ATF2: variants seen among roughly 807,000 people sequenced by gnomAD.
ATF2 encodes the protein cyclic AMP-dependent transcription factor ATF-2.
Under a neutral mutation model 60.6 loss-of-function variants are expected in ATF2, and 24 were observed. That is an observed-to-expected ratio of 0.40 (90% CI 0.29 to 0.56). ATF2 has a LOEUF of 0.56. Ranked by LOEUF, ATF2 falls within the 20% of genes least tolerant of loss-of-function variation. ATF2 has a pLI of 0.54. For missense variants in ATF2, 433 were observed against 607.7 expected (o/e 0.71, Z 3.02); for synonymous variants, 206 against 215.4 (o/e 0.96, Z 0.38).
At chr2:175,080,204 TTATC>T (rs1353472828) in intron 13 of ATF2, 3 of 152,188 alleles carry the variant, frequency 2.0e-5, no homozygotes, top group Admixed American at 6.6e-5. Flanking sequence ...AATGCTGACA[TTATC>T]TAAGAAAGAA....
intron 4 of ATF2, among the ~76,000 whole-genome samples, chr2:175,122,179 T>C (rs1697004687): frequency 6.6e-6 from 1 of 152,000 alleles, no homozygotes; most frequent in South Asian, 2.1e-4. Context: ...TGGAGCAAAG[T>C]TGTTTTTAGA....
intron 7 of ATF2, among the ~76,000 whole-genome samples, chr2:175,115,458 A>C (rs1010191198): frequency 1.3e-5 from 2 of 152,190 alleles, no homozygotes; most frequent in African/African-American, 4.8e-5. Flanking sequence ...GAACTCTTTC[A>C]AGTCAGGAAA....
At chr2:175,153,819 G>A (rs543364234) in intron 1 of ATF2, among the ~76,000 whole-genome samples, 21 of 118,454 alleles carry the variant, frequency 1.8e-4, no homozygotes, top group South Asian at 1.6e-3. Flanking sequence ...GCGACAGAGC[G>A]AGACTCTGCC....
At position 175,130,121 on chromosome 2, in the gene ATF2, A is replaced by G; in HGVS notation, c.102+17T>C. The G allele has an allele frequency of 6.6e-7, 1 of 1,519,546 alleles. No individual in the cohort carries two copies. The highest frequency in any genetic ancestry group is 2.3e-5 in the East Asian group (1 of 43,262). 94.1% of individuals were successfully genotyped at this position (1,519,546 alleles called of 1,614,324 possible). On this transcript the variant is annotated intron_variant, in intron 4 of 13. Coordinates refer to ENST00000264110, the MANE Select transcript of ATF2 (RefSeq NM_001880.4). Reference sequence around the variant, plus strand: ...AGTGGAAATATACAAAATAATTTAAAGTAATTTATATATTACCTGGCCACA... The same window carrying G: ...AGTGGAAATATACAAAATAATTTAAGGTAATTTATATATTACCTGGCCACA...
intron 10 of ATF2, among the ~76,000 whole-genome samples, chr2:175,111,355 TTCTAA>T (rs1696170812): frequency 6.6e-6 from 1 of 152,202 alleles, no homozygotes; most frequent in South Asian, 2.1e-4. Context: ...GAAACAGAAC[TTCTAA>T]TCTGCCACTA....
At chr2:175,085,089 C>T (rs1380729681) in intron 12 of ATF2, among the ~76,000 whole-genome samples, 1 of 152,196 alleles carries the variant, frequency 6.6e-6, no homozygotes, top group Non-Finnish European at 1.5e-5. Flanking sequence ...TATGTAGTAT[C>T]ACCTCAATTA....
chr2:175,083,624 A>G (rs916496178), intron 12 of ATF2, among the ~76,000 whole-genome samples: 2 of 152,188 alleles, frequency 1.3e-5, no homozygotes, highest in Admixed American at 1.3e-4. Flanking sequence ...CAATGGCAAC[A>G]AAAGCCAAAA....
At chr2:175,165,951 A>G (rs1700323683) in intron 1 of ATF2, among the ~76,000 whole-genome samples, 2 of 152,204 alleles carry the variant, frequency 1.3e-5, no homozygotes, top group Admixed American at 1.3e-4. Flanking sequence ...GGCATGAGCC[A>G]CCGCGCACGC....
intron 2 of ATF2, among the ~76,000 whole-genome samples, chr2:175,146,886 G>A (rs1468734919): frequency 2.0e-5 from 3 of 151,828 alleles, no homozygotes; most frequent in Middle Eastern, 3.4e-3. Flanking sequence ...CACAGATAAC[G>A]GGGGAGTACT....
chr2:175,149,870 G>A (rs769628300), intron 2 of ATF2, among the ~76,000 whole-genome samples: 10 of 152,030 alleles, frequency 6.6e-5, no homozygotes, highest in African/African-American at 1.9e-4. Flanking sequence ...ACTAACTTCC[G>A]AGCTTCTTCC....
intron 9 of ATF2, 76 bp downstream of exon 9, chr2:175,113,918 G>T: frequency 8.0e-7 from 1 of 1,256,090 alleles, no homozygotes; most frequent in Non-Finnish European, 1.1e-6. Flanking sequence ...TCATAAGCCA[G>T]TCAAGCAGCC....
At chr2:175,085,164 TTATGTAACAAAATGCTA>T (rs1694064284) in intron 12 of ATF2, among the ~76,000 whole-genome samples, 2 of 152,310 alleles carry the variant, frequency 1.3e-5, no homozygotes, top group Middle Eastern at 3.4e-3. Context: ...ATAAACCGTA[TTATGTAACAAAATGCTA>T]TATGTGACAA....
intron 2 of ATF2, among the ~76,000 whole-genome samples, chr2:175,145,641 G>A (rs2105797078): frequency 6.6e-6 from 1 of 152,268 alleles, no homozygotes; most frequent in East Asian, 1.9e-4. Context: ...CCACCAAAAG[G>A]GACCTCAGCT....
At chr2:175,156,841 T>C (rs1339257593) in intron 1 of ATF2, among the ~76,000 whole-genome samples, 2 of 152,204 alleles carry the variant, frequency 1.3e-5, no homozygotes, top group South Asian at 2.1e-4. Flanking sequence ...TAAATCTTTA[T>C]TGTTTTAAGA....
intron 2 of ATF2, among the ~76,000 whole-genome samples, chr2:175,142,835 AGTGT>A (rs554677403): frequency 2.1e-5 from 3 of 140,396 alleles, no homozygotes; most frequent in Admixed American, 2.1e-4. Context: ...CAAGAGAGAG[AGTGT>A]GTGTGTGTGT....
chr2:175,097,675 T>C, intron 10 of ATF2, 82 bp from the exon 11 acceptor site: 1 of 1,485,714 alleles, frequency 6.7e-7, no homozygotes, highest in South Asian at 1.2e-5. Context: ...AATAGCACCT[T>C]GGGTAGTTTC....
intron 2 of ATF2, among the ~76,000 whole-genome samples, chr2:175,147,275 G>A (rs997925495): frequency 1.3e-5 from 2 of 152,172 alleles, no homozygotes; most frequent in South Asian, 2.1e-4. Flanking sequence ...TGATTCACAC[G>A]ATAAAATATT....
At chr2:175,167,694 C>A in intron 1 of ATF2, 1 of 501,896 alleles carries the variant, frequency 2.0e-6, no homozygotes, top group East Asian at 6.1e-5. Flanking sequence ...CCGAGGACCT[C>A]TGAACTGACC....
At chr2:175,157,249 G>A (rs748158668) in intron 1 of ATF2, among the ~76,000 whole-genome samples, 3 of 152,188 alleles carry the variant, frequency 2.0e-5, no homozygotes, top group Non-Finnish European at 4.4e-5. Context: ...TTACTAGGAT[G>A]TCAGAAAAAC....
Sources: gnomAD v4.1 joint callset for allele counts (sites outside exome capture counted in the v4.1 genomes callset) on GRCh38, gnomAD v4.1.1 for gene constraint, MANE v1.5 for transcripts, NCBI Gene and HGNC (gene_info 2026-07-23, HGNC 2026-07-21) for gene names.